Variants in GRID2 observed in about 807,000 individuals in gnomAD.
GRID2 encodes glutamate receptor ionotropic, delta-2.
GRID2 carries 33 observed loss-of-function variants against 114.8 expected under a neutral mutation model. The ratio of observed to expected loss-of-function variants is 0.29; its 90% CI spans 0.22 to 0.38. The LOEUF is 0.38. Ranked by LOEUF, GRID2 falls within the 10% of genes least tolerant of loss-of-function variation. The pLI is 1.00. For missense variants in GRID2, 1,184 were observed against 1,257.7 expected (o/e 0.94, Z 0.89); for synonymous variants, 505 against 449.9 (o/e 1.12, Z -1.55).
chr4:93,511,049 G>A lies in GRID2; in HGVS notation c.1998-4167G>A, dbSNP rs545001630. On this transcript the variant is annotated intron_variant, in intron 12 of 15. Transcript: ENST00000282020. ...CCTTCTGGGTTCAAGTGATTCCCCT[G>A]CCTCAGCCTTGTGAGTAGCTGGGAT... Among the ~76,000 whole-genome samples the A allele has an allele frequency of 3.9e-4, 60 of 152,192 alleles. No individual in the cohort carries two copies. The South Asian group carries it at 0.012, about 31-fold the overall frequency.
intron 4 of GRID2, among the ~76,000 whole-genome samples, chr4:93,183,466 A>G (rs916787547): frequency 6.6e-6 from 1 of 152,200 alleles, no homozygotes; most frequent in African/African-American, 2.4e-5. Flanking sequence ...GTTCTACTAC[A>G]TCTAAAGAGT....
chr4:93,485,861 T>C (rs1322107745), intron 11 of GRID2, among the ~76,000 whole-genome samples: 1 of 151,694 alleles, frequency 6.6e-6, no homozygotes, highest in African/African-American at 2.4e-5. Context: ...TACATTCAGC[T>C]TCAAGCACAT....
chr4:93,428,481 AG>A (rs1769073726), intron 10 of GRID2, among the ~76,000 whole-genome samples: 1 of 152,116 alleles, frequency 6.6e-6, no homozygotes, highest in Non-Finnish European at 1.5e-5. Flanking sequence ...GACTCAATTC[AG>A]AAAAAAAGAT....
intron 1 of GRID2, among the ~76,000 whole-genome samples, chr4:92,331,237 C>A (rs983682562): frequency 7.9e-5 from 12 of 152,060 alleles, no homozygotes; most frequent in Admixed American, 5.9e-4. Flanking sequence ...AGCACAAACT[C>A]TATATATTAT....
At chr4:92,564,402 T>C (rs1334196160) in intron 1 of GRID2, among the ~76,000 whole-genome samples, 1 of 152,018 alleles carries the variant, frequency 6.6e-6, no homozygotes, top group Non-Finnish European at 1.5e-5. Context: ...GAAAGACATA[T>C]AAGCATTACA....
chr4:92,534,883 T>C (rs1391805655), intron 1 of GRID2, among the ~76,000 whole-genome samples: 3 of 152,170 alleles, frequency 2.0e-5, no homozygotes, highest in African/African-American at 7.2e-5. Flanking sequence ...ACTAAACTAA[T>C]TAACAGGAAA....
At chr4:93,521,982 A>G (rs1730381951) in intron 13 of GRID2, among the ~76,000 whole-genome samples, 1 of 152,206 alleles carries the variant, frequency 6.6e-6, no homozygotes, top group Non-Finnish European at 1.5e-5. Flanking sequence ...GAAAGAAGAC[A>G]TATACAGTAT....
At chr4:93,709,130 C>T (rs1174232257) in intron 14 of GRID2, among the ~76,000 whole-genome samples, 3 of 152,008 alleles carry the variant, frequency 2.0e-5, no homozygotes, top group Non-Finnish European at 4.4e-5. Flanking sequence ...GTTTGTACAC[C>T]ACAAATACAG....
intron 1 of GRID2, among the ~76,000 whole-genome samples, chr4:92,444,983 T>G (rs548648039): frequency 1.1e-4 from 17 of 152,310 alleles, no homozygotes; most frequent in Admixed American, 6.5e-4. Context: ...ATTTGTTTGT[T>G]TGTTTGTGAA....
intron 1 of GRID2, among the ~76,000 whole-genome samples, chr4:92,362,507 CCA>C (rs1384856025): frequency 6.6e-6 from 1 of 151,842 alleles, no homozygotes; most frequent in Non-Finnish European, 1.5e-5. Flanking sequence ...TAAATTAAAT[CCA>C]CAGATTCTCA....
At chr4:92,853,736 T>G (rs1438043404) in intron 2 of GRID2, among the ~76,000 whole-genome samples, 1 of 151,978 alleles carries the variant, frequency 6.6e-6, no homozygotes, top group Non-Finnish European at 1.5e-5. Context: ...ACAGTGAATT[T>G]GGAAAAGAAA....
In GRID2 at chr4:92,722,236, A is replaced by T. The variant is rs1306005767; in HGVS notation, c.244+131950A>T. Among the ~76,000 whole-genome samples, 3 of 152,174 alleles carry T rather than the reference A, an allele frequency of 2.0e-5. No homozygotes were observed. In the East Asian group the frequency reaches 5.8e-4, roughly 29 times the overall value. ...GAAGAATGCCACTGAAAGCATGGAT[A>T]CTGATGGCCAGCCATCATGGAGTGC... On this transcript the variant is annotated intron_variant, in intron 2 of 15. Transcript: ENST00000282020.
rs150923223 is a variant in GRID2, at chr4:92,691,776, C to G, written c.244+101490C>G. 1.4e-3 allele frequency among the ~76,000 whole-genome samples: 219 copies of G among 152,262 alleles called. 1 individual carries two copies. The highest frequency in any genetic ancestry group is 5.1e-3 in the African/African-American group (213 of 41,578). On this transcript the variant is annotated intron_variant, in intron 2 of 15. Transcript: ENST00000282020. The stretch of plus-strand genomic sequence containing the variant: ...TTTTGGTTCCCATCATCACACATAC[C>G]AATGCCAGAGTCATTATTGCTATAA...
At chr4:92,902,737 T>C (rs1252487647) in intron 2 of GRID2, among the ~76,000 whole-genome samples, 5 of 152,106 alleles carry the variant, frequency 3.3e-5, no homozygotes, top group Non-Finnish European at 2.9e-5. Flanking sequence ...GTACCGTTTA[T>C]TGAATAGGGT....
chr4:93,522,670 A>G lies in GRID2; in HGVS notation c.2193+7259A>G, dbSNP rs558103027. On this transcript the variant is annotated intron_variant, in intron 13 of 15. Coordinates refer to ENST00000282020, the MANE Select transcript of GRID2 (RefSeq NM_001510.4). ...GGATATGAAAAGGGTGGCAGGAACA[A>G]TGCATTGCGGGCCTAGATGGGACTG... is the stretch of plus-strand genomic sequence containing the variant. Among the ~76,000 whole-genome samples the G allele has an allele frequency of 1.2e-4, 19 of 152,294 alleles. 1 individual carries two copies. The highest frequency in any genetic ancestry group is 6.5e-4 in the Admixed American group (10 of 15,280).
chr4:92,555,678 G>T (rs1389440954), intron 1 of GRID2, among the ~76,000 whole-genome samples: 1 of 152,160 alleles, frequency 6.6e-6, no homozygotes, highest in Non-Finnish European at 1.5e-5. Flanking sequence ...AGTAAAGACA[G>T]CTTTTCACAT....
chr4:92,935,667 A>C lies in GRID2; in HGVS notation c.245-149328A>C, dbSNP rs192189812. Among the ~76,000 whole-genome samples, 362 of 146,932 alleles carry C rather than the reference A, an allele frequency of 2.5e-3. 28 individuals carry two copies. The highest frequency in any genetic ancestry group is 3.2e-3 in the African/African-American group (133 of 41,252). On this transcript the variant is annotated intron_variant, in intron 2 of 15. Transcript: ENST00000282020. The stretch of plus-strand genomic sequence containing the variant: ...CCAACAATGATAGACTGGATTAAGA[A>C]AATGTGGCACATATACACCATGGAA...
At chr4:93,760,772 C>G (rs960597871) in intron 14 of GRID2, among the ~76,000 whole-genome samples, 4 of 152,212 alleles carry the variant, frequency 2.6e-5, no homozygotes, top group African/African-American at 9.6e-5. Flanking sequence ...ACAACCTTTT[C>G]TGCCTCAGTT....
At chr4:93,180,249 C>T (rs574806028) in intron 4 of GRID2, among the ~76,000 whole-genome samples, 44 of 152,140 alleles carry the variant, frequency 2.9e-4, no homozygotes, top group Non-Finnish European at 6.0e-4. Flanking sequence ...TTTCTCAGCA[C>T]ATGTAAATGT....
Sources: allele counts gnomAD v4.1 joint callset (sites outside exome capture counted in the v4.1 genomes callset), GRCh38; gene constraint gnomAD v4.1.1; transcripts MANE v1.5; gene names NCBI Gene and HGNC (gene_info 2026-07-23, HGNC 2026-07-21).